Variants in ELL observed in about 807,000 individuals in gnomAD.
ELL encodes elongation factor for RNA polymerase II.
A neutral mutation model predicts 64.0 loss-of-function variants in ELL; 18 were observed. That is an observed-to-expected ratio of 0.28 (90% CI 0.19 to 0.42). The LOEUF (loss-of-function observed/expected upper bound fraction) is 0.42, where lower values mean the gene tolerates loss of function less well. Ranked by LOEUF, ELL falls within the 10% of genes least tolerant of loss-of-function variation. ELL has a pLI of 1.00. For synonymous variants in ELL, 399 were observed against 376.2 expected (o/e 1.06, Z -0.70); for missense variants, 797 against 870.4 (o/e 0.92, Z 1.06).
intron 1 of ELL, among the ~76,000 whole-genome samples, chr19:18,503,339 G>C (rs1031046842): frequency 2.0e-5 from 3 of 152,232 alleles, no homozygotes; most frequent in Non-Finnish European, 4.4e-5. Flanking sequence ...AAGGCAACTG[G>C]CAAAGCTGGA....
chr19:18,459,909 T>C (rs998798515), intron 5 of ELL, among the ~76,000 whole-genome samples: 1 of 152,196 alleles, frequency 6.6e-6, no homozygotes, highest in Non-Finnish European at 1.5e-5. Flanking sequence ...GACATTACTG[T>C]GTGCAGTTTT....
intron 6 of ELL, 79 bp from the exon 7 acceptor site, chr19:18,451,727 C>T (rs1170954792): frequency 3.5e-6 from 4 of 1,135,614 alleles, no homozygotes; most frequent in East Asian, 6.3e-5. Context: ...CATGGGGGCC[C>T]GGTGGAGATG....
intron 1 of ELL, among the ~76,000 whole-genome samples, chr19:18,507,929 A>G (rs1309608621): frequency 1.3e-5 from 2 of 152,202 alleles, no homozygotes; most frequent in East Asian, 1.9e-4. Flanking sequence ...GGCTGACTCC[A>G]TGCGGCAGCT....
intron 6 of ELL, among the ~76,000 whole-genome samples, chr19:18,457,426 C>T (rs1974704570): frequency 6.6e-6 from 1 of 152,228 alleles, no homozygotes; most frequent in Non-Finnish European, 1.5e-5. Flanking sequence ...GGCCCCTGAC[C>T]TGCACACCCA....
At chr19:18,470,879 T>C (rs1975050208) in intron 2 of ELL, 1 of 449,354 alleles carries the variant, frequency 2.2e-6, no homozygotes, top group Admixed American at 2.4e-5. Flanking sequence ...CAGCCCACAG[T>C]CGTCTGAGCC....
At chr19:18,494,102 C>CA (rs1000167042) in intron 1 of ELL, among the ~76,000 whole-genome samples, 2 of 151,756 alleles carry the variant, frequency 1.3e-5, no homozygotes, top group South Asian at 2.1e-4. Flanking sequence ...TGAATCGCCA[C>CA]AAAAAAAAGT....
chr19:18,444,501 C>T lies in ELL; in HGVS notation c.*251G>A. 4.4e-6 allele frequency: 2 copies of T among 455,704 alleles called. No individual in the cohort carries two copies. The highest frequency in any genetic ancestry group is 5.7e-4 in the Middle Eastern group (1 of 1,744). 28.2% of individuals were successfully genotyped at this position (455,704 alleles called of 1,614,324 possible). A position where few individuals can be genotyped will look rare whatever the true frequency, so the allele number is the denominator to read the frequency against. On this transcript the variant is annotated 3_prime_UTR_variant, in exon 12 of 12. Coordinates refer to ENST00000262809, the MANE Select transcript of ELL (RefSeq NM_006532.4). Reference sequence around the variant, plus strand: ...GAGACAGGAGGCTGAACCCCGGAGGCTGCAGCCAGGGAGGAGGCAGTGGGC... The same window carrying T: ...GAGACAGGAGGCTGAACCCCGGAGGTTGCAGCCAGGGAGGAGGCAGTGGGC...
intron 1 of ELL, among the ~76,000 whole-genome samples, chr19:18,488,629 C>CTTCTATGGACCGGGCT (rs1483245709): frequency 6.6e-6 from 1 of 152,192 alleles, no homozygotes; most frequent in African/African-American, 2.4e-5. Context: ...TCGCAGGGAC[C>CTTCTATGGACCGGGCT]TTCTATGGAC....
chr19:18,461,830 T>C lies in ELL; in HGVS notation c.492A>G (p.Lys164=), dbSNP rs766301050. Residue 164 remains lysine, a synonymous_variant, in exon 5 of 12, where the codon AAA becomes AAG. Coordinates refer to ENST00000262809, the MANE Select transcript of ELL (RefSeq NM_006532.4). The part of the protein sequence containing the change: ...RYLGKKVQFR[K]PAPGATDAVP... ...CCGCGTCTGTTGCACCTGGGGCTGG[T>C]TTCCGAAACTGAACCTTCTTGCCTG... 1.2e-6 allele frequency: 2 copies of C among 1,613,248 alleles called. No homozygotes were observed. The highest frequency in any genetic ancestry group is 1.7e-6 in the Non-Finnish European group (2 of 1,179,328).
intron 6 of ELL, among the ~76,000 whole-genome samples, chr19:18,453,680 C>G (rs1213410940): frequency 6.6e-6 from 1 of 152,234 alleles, no homozygotes; most frequent in African/African-American, 2.4e-5. Context: ...ACCTCAGCCT[C>G]TAGGGTAGCT....
chr19:18,510,027 C>G (rs1423085996), intron 1 of ELL, among the ~76,000 whole-genome samples: 1 of 152,250 alleles, frequency 6.6e-6, no homozygotes, highest in Non-Finnish European at 1.5e-5. Context: ...CTCAACCACC[C>G]TGGCCAACCT....
chr19:18,457,875 G>A (rs1974716401), intron 6 of ELL, among the ~76,000 whole-genome samples: 1 of 152,232 alleles, frequency 6.6e-6, no homozygotes, highest in Non-Finnish European at 1.5e-5. Flanking sequence ...GGGATGCCCA[G>A]GTTGTGGAGG....
intron 8 of ELL, 48 bp downstream of exon 8, chr19:18,450,429 G>T (rs768477368): frequency 3.8e-5 from 60 of 1,584,130 alleles, no homozygotes; most frequent in Non-Finnish European, 5.2e-5. Context: ...GGCGGGTGTG[G>T]GGCCAGTACT....
intron 4 of ELL, among the ~76,000 whole-genome samples, chr19:18,462,366 T>TGTGTGTGCGGG: frequency 3.2e-5 from 1 of 31,212 alleles, no homozygotes; most frequent in South Asian, 1.4e-3. Flanking sequence ...TGTGTGTGTT[T>TGTGTGTGCGGG]GGGCGGGGGG....
At chr19:18,506,911 A>T (rs1018537520) in intron 1 of ELL, among the ~76,000 whole-genome samples, 2 of 152,094 alleles carry the variant, frequency 1.3e-5, no homozygotes, top group African/African-American at 4.8e-5. Flanking sequence ...AATCCTTCTC[A>T]ACACGGCTCC....
chr19:18,460,245 C>T (rs1600442392), intron 5 of ELL, among the ~76,000 whole-genome samples: 4 of 152,338 alleles, frequency 2.6e-5, no homozygotes, highest in Non-Finnish European at 5.9e-5. Flanking sequence ...ACATCCCCCT[C>T]CTCTTCTACA....
chr19:18,473,979 C>T (rs1975121410), intron 1 of ELL, among the ~76,000 whole-genome samples: 1 of 152,262 alleles, frequency 6.6e-6, no homozygotes, highest in Non-Finnish European at 1.5e-5. Context: ...GGGCAAAGCA[C>T]TACTTGAGTC....
At chr19:18,516,574 G>A (rs896485601) in intron 1 of ELL, among the ~76,000 whole-genome samples, 1 of 152,184 alleles carries the variant, frequency 6.6e-6, no homozygotes, top group Non-Finnish European at 1.5e-5. Context: ...CTGAGCCATG[G>A]GCACTGACCA....
At position 18,458,307 on chromosome 19, in the gene ELL, T is replaced by C. The variant is rs1260377788; in HGVS notation, c.767A>G (p.Asp256Gly). The C allele has an allele frequency of 6.2e-7, 1 of 1,611,934 alleles. No individual in the cohort carries two copies. The highest frequency in any genetic ancestry group is 2.2e-5 in the East Asian group (1 of 44,758). Reference protein sequence around the residue: ...LQQVANMSAKDGTCTLQDCMY... With the variant: ...LQQVANMSAKGGTCTLQDCMY... ...GCAGTCCTGCAGTGTACACGTGCCG[T>C]CCTTAGCACTCATGTTGGCCACCTG... Residue 256 changes from aspartate to glycine, a missense_variant, in exon 6 of 12, where the codon GAC becomes GGC. Physicochemically the swap from Asp to Gly is moderately conservative, Grantham distance 94 (BLOSUM62 -1). Coordinates refer to ENST00000262809, the MANE Select transcript of ELL (RefSeq NM_006532.4).
Sources: allele counts gnomAD v4.1 joint callset (sites outside exome capture counted in the v4.1 genomes callset), GRCh38; gene constraint gnomAD v4.1.1; transcripts MANE v1.5; gene names NCBI Gene and HGNC (gene_info 2026-07-23, HGNC 2026-07-21).